MAP6: variants seen among roughly 807,000 people sequenced by gnomAD.
The protein encoded by MAP6 is microtubule associated protein 6.
Under a neutral mutation model 42.4 loss-of-function variants are expected in MAP6, and 26 were observed. The observed-to-expected ratio is 0.61, with a 90% CI of 0.45 to 0.85. The LOEUF is 0.85. Ranked by LOEUF, MAP6 falls within the 40% of genes least tolerant of loss-of-function variation. MAP6 has a pLI of 0.00. For missense variants in MAP6, 966 were observed against 1,099.0 expected, an observed-to-expected ratio of 0.88 and a Z score of 1.71; for synonymous variants, 418 against 443.8, an observed-to-expected ratio of 0.94 and a Z score of 0.73.
intron 1 of MAP6, among the ~76,000 whole-genome samples, chr11:75,659,460 C>T (rs1238857693): frequency 1.3e-5 from 2 of 152,102 alleles, no homozygotes; most frequent in African/African-American, 2.4e-5. Flanking sequence ...CCAGCCTGGG[C>T]GATAGAGGAA....
In MAP6 at chr11:75,668,697, C is replaced by T; in HGVS notation, c.-328G>A. On this transcript the variant is annotated 5_prime_UTR_variant, in exon 1 of 4. In the 5' UTR this introduces an upstream ATG that the reference lacks. Coordinates refer to ENST00000304771, the MANE Select transcript of MAP6 (RefSeq NM_033063.2). ...CCCTCCCTGCGGCTGCGGCGGCGCA[C>T]AGACCTCGGTCGAGCGAGGCGACGT... 1 of 217,334 alleles carries T rather than the reference C, an allele frequency of 4.6e-6. No homozygotes were observed. Among genetic ancestry groups the T allele is most frequent in the Non-Finnish European group, 9.0e-6 (1 of 110,674 alleles). 13.5% of individuals were successfully genotyped at this position (217,334 alleles called of 1,614,324 possible). A position where few individuals can be genotyped will look rare whatever the true frequency, so the allele number is the denominator to read the frequency against.
At chr11:75,593,659 G>A (rs1942521653) in intron 3 of MAP6, among the ~76,000 whole-genome samples, 1 of 152,230 alleles carries the variant, frequency 6.6e-6, no homozygotes, top group African/African-American at 2.4e-5. Flanking sequence ...CAGAGAGTGG[G>A]GAGCCTATGG....
At position 75,605,927 on chromosome 11, in the gene MAP6, G is replaced by T; in HGVS notation, c.1197C>A (p.Asp399Glu). 6.2e-7 allele frequency: 1 copy of T among 1,614,140 alleles called. No homozygotes were observed. Among genetic ancestry groups the T allele is most frequent in the Non-Finnish European group, 8.5e-7 (1 of 1,180,036 alleles). ...ASHKPTRKAK[D>E]KQAVSGQAAK... ...CAGCCTGGCCTGACACCGCCTGCTT[G>T]TCTTTGGCCTTCCTCGTGGGCTTAT... The change falls in exon 3 of 4, where the codon GAC becomes GAA. Residue 399 changes from aspartate to glutamate, a missense_variant. Asp to Glu is a conservative substitution (Grantham distance 45). This residue lies in a region of MAP6 where 943 missense variants were observed against 1,049.9 expected (regional missense o/e 0.90). Coordinates refer to ENST00000304771, the MANE Select transcript of MAP6 (RefSeq NM_033063.2).
intron 1 of MAP6, chr11:75,642,812 C>A: frequency 4.8e-6 from 2 of 417,306 alleles, no homozygotes; most frequent in South Asian, 3.8e-5. Context: ...TAAAAATTGT[C>A]ACCGCAGACC....
intron 1 of MAP6, among the ~76,000 whole-genome samples, chr11:75,641,155 T>TA (rs893679629): frequency 1.3e-4 from 20 of 152,012 alleles, no homozygotes; most frequent in African/African-American, 4.6e-4. Flanking sequence ...TATGCAGCCA[T>TA]AAAAAATGAT....
chr11:75,610,355 T>C (rs1565260356), intron 1 of MAP6, among the ~76,000 whole-genome samples: 1 of 152,246 alleles, frequency 6.6e-6, no homozygotes, highest in African/African-American at 2.4e-5. Flanking sequence ...TCATCATTCA[T>C]TTTCACCCAT....
chr11:75,592,170 ACCTCCTCCCTGG>A (rs1229821185), intron 3 of MAP6, among the ~76,000 whole-genome samples: 2 of 151,446 alleles, frequency 1.3e-5, no homozygotes, highest in Non-Finnish European at 2.9e-5. Flanking sequence ...CTCAGCTCCC[ACCTCCTCCCTGG>A]TCTTCCTGCC....
At chr11:75,650,070 T>G (rs1184336979) in intron 1 of MAP6, among the ~76,000 whole-genome samples, 1 of 152,192 alleles carries the variant, frequency 6.6e-6, no homozygotes, top group African/African-American at 2.4e-5. Flanking sequence ...CATCGGATTT[T>G]CAGATCCGTC....
chr11:75,616,705 G>A (rs777968521), intron 1 of MAP6, among the ~76,000 whole-genome samples: 2 of 152,220 alleles, frequency 1.3e-5, no homozygotes, highest in African/African-American at 2.4e-5. Context: ...AGAAATGACT[G>A]GGCCGAGAGA....
At chr11:75,634,267 C>G (rs781561531) in intron 1 of MAP6, among the ~76,000 whole-genome samples, 7 of 152,128 alleles carry the variant, frequency 4.6e-5, no homozygotes, top group Non-Finnish European at 1.0e-4. Context: ...AAAGAAGACA[C>G]GAGTCTAATC....
chr11:75,647,533 G>C (rs1943582451), intron 1 of MAP6, among the ~76,000 whole-genome samples: 1 of 152,012 alleles, frequency 6.6e-6, no homozygotes, highest in African/African-American at 2.4e-5. Flanking sequence ...TAACAACGCT[G>C]TTCCTACATA....
intron 1 of MAP6, among the ~76,000 whole-genome samples, chr11:75,614,052 C>T (rs1942953566): frequency 6.6e-6 from 1 of 152,218 alleles, no homozygotes; most frequent in Admixed American, 6.5e-5. Context: ...TCTGGTCTCT[C>T]TGTTCCTTCT....
intron 3 of MAP6, among the ~76,000 whole-genome samples, chr11:75,595,108 C>T (rs780258484): frequency 4.6e-5 from 7 of 152,232 alleles, no homozygotes; most frequent in African/African-American, 7.2e-5. Flanking sequence ...GCCTCTGCTG[C>T]AATCTCCCTG....
At chr11:75,644,418 T>A (rs1331065126) in intron 1 of MAP6, among the ~76,000 whole-genome samples, 1 of 152,222 alleles carries the variant, frequency 6.6e-6, no homozygotes, top group African/African-American at 2.4e-5. Context: ...TAATAGTTAA[T>A]ATTTATGGTA....
Position 75,666,781 on chromosome 11 carries a change from C to T in MAP6, c.905+684G>A, listed in dbSNP as rs1943955404. On this transcript the variant is annotated intron_variant, in intron 1 of 3. Transcript: ENST00000304771. ...TTAAATCAATAAAAGTGTGAACAAT[C>T]CTAAGAGATGTCTATTACCAATTAC... Among the ~76,000 whole-genome samples the T allele has an allele frequency of 2.0e-5, 3 of 152,200 alleles. No individual in the cohort carries two copies. The South Asian group carries it at 6.2e-4, about 32-fold the overall frequency.
At position 75,667,665 on chromosome 11, in the gene MAP6, C is replaced by T. The variant is rs1943978757; in HGVS notation, c.705G>A (p.Glu235=). 2.1e-5 allele frequency: 26 copies of T among 1,259,030 alleles called. No individual in the cohort carries two copies. The highest frequency in any genetic ancestry group is 2.5e-5 in the Non-Finnish European group (25 of 1,006,562). The allele number at this position is 1,259,030 out of a possible 1,614,324, so 78.0% of individuals were successfully genotyped here. Residue 235 remains glutamate, a synonymous_variant, in exon 1 of 4, where the codon GAG becomes GAA. Transcript: ENST00000304771. The surrounding 1 kb of genome is among the most constrained non-coding windows in gnomAD (Gnocchi z 5.6). ...LAAGKASGAD[E]RDTRRKAGPA... is the part of the protein sequence containing the mutation. The stretch of plus-strand genomic sequence containing the variant: ...GCCCGGCCTTCCTGCGCGTGTCGCG[C>T]TCGTCCGCCCCGGACGCCTTTCCGG...
rs1590762506 is a variant in MAP6 at position 75,606,275 on chromosome 11, A to ATACCACTGTTG, written c.1120-282_1120-272dup. On this transcript the variant is annotated intron_variant, in intron 2 of 3. Coordinates refer to ENST00000304771, the MANE Select transcript of MAP6 (RefSeq NM_033063.2). ...CACCGACCACCCCAGGCAGTGGGCCATACCACTGTTGGGCAATATTTGAGC... is the reference window on the plus strand; with the variant it reads ...CACCGACCACCCCAGGCAGTGGGCCATACCACTGTTGTACCACTGTTGGGCAATATTTGAGC... Among the ~76,000 whole-genome samples the ATACCACTGTTG allele has an allele frequency of 3.3e-5, 5 of 152,288 alleles. No individual in the cohort carries two copies. In the East Asian group the frequency reaches 9.7e-4, roughly 29 times the overall value.
At chr11:75,629,834 G>A (rs1943257078) in intron 1 of MAP6, among the ~76,000 whole-genome samples, 1 of 152,162 alleles carries the variant, frequency 6.6e-6, no homozygotes, top group Middle Eastern at 3.2e-3. Context: ...GGGCTGAGGG[G>A]AATGAAGAGG....
intron 1 of MAP6, among the ~76,000 whole-genome samples, chr11:75,663,582 A>C (rs1465961443): frequency 6.6e-6 from 1 of 152,190 alleles, no homozygotes; most frequent in Non-Finnish European, 1.5e-5. Context: ...GGAGACAGAC[A>C]TGGACAAGAG....
Sources: gnomAD v4.1 joint callset for allele counts (sites outside exome capture counted in the v4.1 genomes callset) on GRCh38, gnomAD v4.1.1 for gene constraint, gnomAD v4.1.1 regional missense constraint, Gnocchi (gnomAD v3.1) non-coding constraint, MANE v1.5 for transcripts, NCBI Gene and HGNC (gene_info 2026-07-23, HGNC 2026-07-21) for gene names.